SMCO4: variants seen among roughly 807,000 people sequenced by gnomAD.
SMCO4 encodes single-pass membrane protein with coiled-coil domains 4, also known as single-pass membrane and coiled-coil domain-containing protein 4.
A neutral mutation model predicts 3.6 loss-of-function variants in SMCO4; 4 were observed. The ratio of observed to expected loss-of-function variants is 1.11; its 90% confidence interval spans 0.54 to 2.53. SMCO4 has a LOEUF of 2.53. Among genes scored for constraint, SMCO4 ranks in the 30% most tolerant of loss-of-function variants. SMCO4 has a pLI of 0.02. For missense variants in SMCO4, 70 were observed against 80.8 expected, an observed-to-expected ratio of 0.87 and a Z score of 0.51; for synonymous variants, 36 against 35.3, an observed-to-expected ratio of 1.02 and a Z score of -0.07.
At chr11:93,487,485 C>T (rs916622293) in intron 2 of SMCO4, among the ~76,000 whole-genome samples, 18 of 152,102 alleles carry the variant, frequency 1.2e-4, no homozygotes, top group Admixed American at 9.8e-4. Flanking sequence ...ATAAAAGATA[C>T]ACACACACAC....
Position 93,529,500 on chromosome 11 carries a change from C to G in SMCO4, c.-154+13776G>C, listed in dbSNP as rs372438512. On this transcript the variant is annotated intron_variant, in intron 1 of 2. Transcript: ENST00000298966. ...CTCCCAGATAACCTCCCCAAGCAGG[C>G]TGCTTCTGGCACTATCTTGGTAAGT... Among the ~76,000 whole-genome samples, 9 of 152,244 alleles carry G rather than the reference C, an allele frequency of 5.9e-5. No homozygotes were observed. In the East Asian group the frequency reaches 1.2e-3, roughly 20 times the overall value.
chr11:93,505,128 T>A (rs1472141588), intron 1 of SMCO4, among the ~76,000 whole-genome samples: 2 of 152,258 alleles, frequency 1.3e-5, no homozygotes, highest in Non-Finnish European at 2.9e-5. Flanking sequence ...CAAATGGACA[T>A]CTTTACTGAT....
chr11:93,482,511 A>C (rs1948603207), intron 2 of SMCO4, among the ~76,000 whole-genome samples: 1 of 152,216 alleles, frequency 6.6e-6, no homozygotes, highest in Non-Finnish European at 1.5e-5. Context: ...GCAGGCAGAG[A>C]AAGGGCCCAG....
At chr11:93,545,618 G>C (rs200895514), upstream of SMCO4, among the ~76,000 whole-genome samples, 1 of 149,026 alleles carries the variant, frequency 6.7e-6, no homozygotes, top group East Asian at 2.0e-4. Flanking sequence ...AAGAGAGAGA[G>C]AGAGAAAAGA....
chr11:93,497,607 A>C (rs1391842001), intron 2 of SMCO4, among the ~76,000 whole-genome samples: 1 of 151,450 alleles, frequency 6.6e-6, no homozygotes, highest in African/African-American at 2.4e-5. Flanking sequence ...GTTCTGTGAC[A>C]CTGTTAGTTT....
At chr11:93,553,584 C>T in the SMCO4 span, among the ~76,000 whole-genome samples, 4 of 152,128 alleles carry the variant, frequency 2.6e-5, no homozygotes, top group African/African-American at 7.2e-5. Context: ...TAATTTACAC[C>T]TTTCACTGCT....
At chr11:93,507,342 A>G (rs1948916925) in intron 1 of SMCO4, among the ~76,000 whole-genome samples, 1 of 152,138 alleles carries the variant, frequency 6.6e-6, no homozygotes, top group Admixed American at 6.5e-5. Flanking sequence ...GGAGGTTGCA[A>G]TGACCTGAGA....
intron 2 of SMCO4, among the ~76,000 whole-genome samples, chr11:93,497,308 C>T (rs1296384294): frequency 2.6e-5 from 4 of 152,166 alleles, no homozygotes; most frequent in African/African-American, 9.7e-5. Context: ...GAGAAGGAAG[C>T]GAAAGAACAT....
chr11:93,480,994 G>T (rs148068754), intron 2 of SMCO4, among the ~76,000 whole-genome samples: 82 of 151,918 alleles, frequency 5.4e-4, no homozygotes, highest in African/African-American at 1.9e-3. Flanking sequence ...TAAGGGAAGC[G>T]CCATTTGGGC....
At chr11:93,513,577 A>T (rs935917825) in intron 1 of SMCO4, among the ~76,000 whole-genome samples, 1 of 152,190 alleles carries the variant, frequency 6.6e-6, no homozygotes, top group South Asian at 2.1e-4. Flanking sequence ...AGACGGAGGT[A>T]TCAAAGATGC....
At chr11:93,521,510 A>T (rs962916075) in intron 1 of SMCO4, among the ~76,000 whole-genome samples, 2 of 152,224 alleles carry the variant, frequency 1.3e-5, no homozygotes, top group African/African-American at 4.8e-5. Flanking sequence ...GGCTTAAAAA[A>T]GTTACCCAAA....
At chr11:93,493,889 G>A (rs1410805082) in intron 2 of SMCO4, among the ~76,000 whole-genome samples, 1 of 152,090 alleles carries the variant, frequency 6.6e-6, no homozygotes, top group Non-Finnish European at 1.5e-5. Context: ...GAAGTCTGGG[G>A]ATCTCCTAGA....
At chr11:93,518,915 C>G (rs1239688487) in intron 1 of SMCO4, among the ~76,000 whole-genome samples, 1 of 152,198 alleles carries the variant, frequency 6.6e-6, no homozygotes. Flanking sequence ...TGAATTCCCG[C>G]CCTGGTTCTC....
At chr11:93,499,590 G>C (rs1266837149) in intron 1 of SMCO4, among the ~76,000 whole-genome samples, 1 of 152,182 alleles carries the variant, frequency 6.6e-6, no homozygotes, top group Non-Finnish European at 1.5e-5. Flanking sequence ...TGGAGTTAGA[G>C]GGGCCTTCCC....
rs559386704 is a variant in SMCO4 at position 93,534,373 on chromosome 11, T to TAGAGAGAGAG, written c.-154+8902_-154+8903insCTCTCTCTCT. Among the ~76,000 whole-genome samples, 32 of 134,182 alleles carry TAGAGAGAGAG rather than the reference T, an allele frequency of 2.4e-4. 1 individual carries two copies. The highest frequency in any genetic ancestry group is 3.4e-4 in the Non-Finnish European group (21 of 62,202). 88.0% of individuals were successfully genotyped at this position (134,182 alleles called of 152,430 possible). ...ATACACATACATATATATATATATA[T>TAGAGAGAGAG]ATAGAGAGAGAGAGAGAGAGAGATA... On this transcript the variant is annotated intron_variant, in intron 1 of 2. Coordinates refer to ENST00000298966, the MANE Select transcript of SMCO4 (RefSeq NM_020179.3).
At chr11:93,530,082 C>T (rs978949907) in intron 1 of SMCO4, among the ~76,000 whole-genome samples, 2 of 152,228 alleles carry the variant, frequency 1.3e-5, no homozygotes, top group African/African-American at 4.8e-5. Flanking sequence ...TGATTTTATA[C>T]ACAGAAGAAT....
the SMCO4 span, among the ~76,000 whole-genome samples, chr11:93,549,101 G>T: frequency 6.6e-6 from 1 of 152,134 alleles, no homozygotes; most frequent in Non-Finnish European, 1.5e-5. Flanking sequence ...CTATTCCCCT[G>T]CCTTATGGTC....
intron 1 of SMCO4, among the ~76,000 whole-genome samples, chr11:93,525,539 C>T (rs186843790): frequency 1.1e-3 from 169 of 152,216 alleles, no homozygotes; most frequent in African/African-American, 3.7e-3. Context: ...TCCCCCCATT[C>T]CTAAAGGGTT....
At chr11:93,522,004 G>T (rs896468455) in intron 1 of SMCO4, among the ~76,000 whole-genome samples, 4 of 152,168 alleles carry the variant, frequency 2.6e-5, no homozygotes, top group African/African-American at 9.7e-5. Flanking sequence ...ATTTAAAAAT[G>T]TATCAACCCA....
Sources: allele counts gnomAD v4.1 joint callset (sites outside exome capture counted in the v4.1 genomes callset), GRCh38; gene constraint gnomAD v4.1.1; transcripts MANE v1.5; gene names NCBI Gene and HGNC (gene_info 2026-07-23, HGNC 2026-07-21).